The following TRIO variants were observed in gnomAD, a reference collection of about 807,000 sequenced individuals.
The protein encoded by TRIO is trio Rho guanine nucleotide exchange factor.
TRIO carries 58 observed loss-of-function variants against 351.9 expected under a neutral mutation model. The ratio of observed to expected loss-of-function variants is 0.16; its 90% CI spans 0.13 to 0.21. TRIO has a LOEUF of 0.21. Ranked by LOEUF, TRIO falls within the 10% of genes least tolerant of loss-of-function variation. The pLI, the probability that TRIO is intolerant of heterozygous loss-of-function variation, is 1.00. For missense variants in TRIO, 3,201 were observed against 4,027.8 expected (o/e 0.79, Z 5.56); for synonymous variants, 1,758 against 1,595.7 (o/e 1.10, Z -2.42).
chr5:14,293,739 A>T (rs903911801), intron 6 of TRIO, among the ~76,000 whole-genome samples: 4 of 152,220 alleles, frequency 2.6e-5, no homozygotes, highest in Non-Finnish European at 4.4e-5. Context: ...TACATCACAG[A>T]AACCAAAACC....
At chr5:14,481,083 C>CCTG (rs1755475922) in intron 43 of TRIO, 151 bp from the exon 44 acceptor site, 1 of 759,406 alleles carries the variant, frequency 1.3e-6, no homozygotes, top group Admixed American at 2.4e-5. Flanking sequence ...CCCAGCTACT[C>CCTG]AGGAGGCCAA....
chr5:14,285,878 C>A (rs952780582), intron 3 of TRIO, among the ~76,000 whole-genome samples: 1 of 152,076 alleles, frequency 6.6e-6, no homozygotes, highest in African/African-American at 2.4e-5. Flanking sequence ...GTCAGAGACC[C>A]CTGTGTAACA....
At position 14,291,256 on chromosome 5, in the gene TRIO, G is replaced by A. The variant is rs1350490600; in HGVS notation, c.1053+28G>A. 1.9e-6 allele frequency: 3 copies of A among 1,597,502 alleles called. No individual in the cohort carries two copies. The South Asian group carries it at 3.4e-5, about 18-fold the overall frequency. On this transcript the variant is annotated intron_variant, in intron 5 of 56. Transcript: ENST00000344204. The stretch of plus-strand genomic sequence containing the variant: ...AAAGACGGGGGAGGCTAATGCCTCA[G>A]TGGACATGGGGGAAGCCAGCGCTGG...
chr5:14,363,000 A>AC (rs202117540), intron 13 of TRIO, among the ~76,000 whole-genome samples: 2 of 113,356 alleles, frequency 1.8e-5, no homozygotes, highest in East Asian at 2.7e-4. Context: ...TTTTCTATCT[A>AC]CTTTTTTTTT....
chr5:14,397,020 G>A (rs1747658435), intron 28 of TRIO, 23 bp from the exon 29 acceptor site: 1 of 1,581,142 alleles, frequency 6.3e-7, no homozygotes, highest in South Asian at 1.2e-5. Context: ...TCTTTACCTA[G>A]TTTCTGTTGT....
intron 19 of TRIO, among the ~76,000 whole-genome samples, chr5:14,376,841 C>T (rs1362330289): frequency 6.6e-6 from 1 of 152,194 alleles, no homozygotes. Context: ...TTTCTCCCTC[C>T]ATAATAGAGG....
chr5:14,482,764 C>T lies in TRIO; in HGVS notation c.6648C>T (p.Asn2216=), dbSNP rs751085008. 2 of 1,598,190 alleles carry T rather than the reference C, an allele frequency of 1.3e-6. No homozygotes were observed. Among genetic ancestry groups the T allele is most frequent in the East Asian group, 2.3e-5 (1 of 44,342 alleles). ...GFSMPGFLFK[N]SIKVSCLCLE... ...CCATGCCGGGATTCCTGTTTAAGAA[C>T]AGTATCAAGGTAACGTGTGTCTCTG... is the stretch of plus-strand genomic sequence containing the variant. The change falls in exon 46 of 57, where the codon AAC becomes AAT. Residue 2216 remains asparagine, a synonymous_variant. Coordinates refer to ENST00000344204, the MANE Select transcript of TRIO (RefSeq NM_007118.4).
chr5:14,453,536 C>A (rs1753003089), intron 34 of TRIO, among the ~76,000 whole-genome samples: 1 of 152,190 alleles, frequency 6.6e-6, no homozygotes, highest in Admixed American at 6.5e-5. Flanking sequence ...AGCCATCCTA[C>A]ATTTATAAAC....
At chr5:14,455,866 T>C (rs1472820529) in intron 34 of TRIO, among the ~76,000 whole-genome samples, 5 of 152,248 alleles carry the variant, frequency 3.3e-5, no homozygotes, top group African/African-American at 1.2e-4. Flanking sequence ...CAGGCGGAGC[T>C]GCCCGCCAGT....
intron 36 of TRIO, among the ~76,000 whole-genome samples, chr5:14,463,674 CTT>C (rs758172986): frequency 2.3e-4 from 32 of 137,106 alleles, no homozygotes; most frequent in African/African-American, 3.4e-4. Context: ...ACTGGTGATG[CTT>C]TTTTTTTTTT....
intron 1 of TRIO, among the ~76,000 whole-genome samples, chr5:14,245,653 C>T (rs116371957): frequency 6.6e-6 from 1 of 152,216 alleles, no homozygotes; most frequent in South Asian, 2.1e-4. Context: ...TAGACACACT[C>T]TTCTTGACCG....
intron 1 of TRIO, among the ~76,000 whole-genome samples, chr5:14,251,460 GA>G (rs530667979): frequency 9.2e-5 from 14 of 152,348 alleles, no homozygotes; most frequent in South Asian, 8.3e-4. Flanking sequence ...AGAATTTGGA[GA>G]TGGAGTGAAC....
chr5:14,149,098 A>G (rs1243378333), intron 1 of TRIO, among the ~76,000 whole-genome samples: 1 of 152,156 alleles, frequency 6.6e-6, no homozygotes, highest in Non-Finnish European at 1.5e-5. Flanking sequence ...ACTGAGGGGA[A>G]GGGAGCATAG....
At chr5:14,432,127 C>T (rs1751205984) in intron 34 of TRIO, among the ~76,000 whole-genome samples, 1 of 152,156 alleles carries the variant, frequency 6.6e-6, no homozygotes, top group Non-Finnish European at 1.5e-5. Flanking sequence ...TGCGGACTTG[C>T]CATTGCCAGC....
chr5:14,406,493 C>T, intron 32 of TRIO, 80 bp from the exon 33 acceptor site: 1 of 1,370,754 alleles, frequency 7.3e-7, no homozygotes, highest in Non-Finnish European at 1.0e-6. Flanking sequence ...TGATATGCAC[C>T]TCATTAAACA....
chr5:14,369,400 A>G lies in TRIO; in HGVS notation c.3093A>G (p.Glu1031=). 1 of 1,614,034 alleles carries G rather than the reference A, an allele frequency of 6.2e-7. No homozygotes were observed. Among genetic ancestry groups the G allele is most frequent in the Non-Finnish European group, 8.5e-7 (1 of 1,179,966 alleles). ...EQVCSVLESL[E]QEYKREEDWC... ...TCTGCAGCGTCCTCGAGAGCCTGGA[A>G]CAGGAGTACAAGAGAGAAGAAGACT... is the stretch of plus-strand genomic sequence containing the variant. The change falls in exon 18 of 57, where the codon GAA becomes GAG. Residue 1031 remains glutamate, a synonymous_variant. Coordinates refer to ENST00000344204, the MANE Select transcript of TRIO (RefSeq NM_007118.4).
chr5:14,479,892 G>A (rs759372897), intron 42 of TRIO, 27 bp from the exon 43 acceptor site: 16 of 1,610,370 alleles, frequency 9.9e-6, no homozygotes, highest in Admixed American at 5.0e-5. Flanking sequence ...CAGCCCATAC[G>A]ATCTTTTCTC....
chr5:14,165,871 G>C lies in TRIO; in HGVS notation c.157+21989G>C, dbSNP rs140614718. On this transcript the variant is annotated intron_variant, in intron 1 of 56. Coordinates refer to ENST00000344204, the MANE Select transcript of TRIO (RefSeq NM_007118.4). The stretch of plus-strand genomic sequence containing the variant: ...CAGAGGTAGGAACGCCAACCATCCT[G>C]GGATGGTAGGTGGCCGCTAGGCCCA... 6.2e-3 allele frequency among the ~76,000 whole-genome samples: 943 copies of C among 152,328 alleles called. 14 individuals are homozygous for C. The highest frequency in any genetic ancestry group is 0.021 in the African/African-American group (869 of 41,582).
intron 40 of TRIO, among the ~76,000 whole-genome samples, chr5:14,475,317 A>G (rs1311096579): frequency 6.7e-6 from 1 of 150,120 alleles, no homozygotes; most frequent in Non-Finnish European, 1.5e-5. Context: ...GCACGATGTC[A>G]TCACCTCCAA....
Sources: allele counts gnomAD v4.1 joint callset (sites outside exome capture counted in the v4.1 genomes callset), GRCh38; gene constraint gnomAD v4.1.1; transcripts MANE v1.5; gene names NCBI Gene and HGNC (gene_info 2026-07-23, HGNC 2026-07-21).